WDR49: variants seen among roughly 807,000 people sequenced by gnomAD.
The protein encoded by WDR49 is cilia- and flagella-associated protein 337.
In WDR49, 107 loss-of-function variants were observed where a neutral mutation model predicts 119.5. The ratio of observed to expected loss-of-function variants is 0.90; its 90% CI spans 0.77 to 1.05. The LOEUF is 1.05. Among genes scored for constraint, WDR49 ranks in the 50% least tolerant of loss-of-function variants. The pLI, the probability that WDR49 is intolerant of heterozygous loss-of-function variation, is 0.00. For missense variants in WDR49, 1,240 were observed against 1,220.5 expected (o/e 1.02, Z -0.24); for synonymous variants, 425 against 418.8 (o/e 1.01, Z -0.18).
chr3:167,625,752 C>T (rs1464398226), intron 3 of WDR49, among the ~76,000 whole-genome samples: 8 of 151,812 alleles, frequency 5.3e-5, no homozygotes, highest in African/African-American at 9.7e-5. Context: ...CACTCTGAAA[C>T]GATGCAAGGC....
intron 16 of WDR49, among the ~76,000 whole-genome samples, chr3:167,505,630 A>G (rs1751741225): frequency 6.6e-6 from 1 of 152,256 alleles, no homozygotes; most frequent in Admixed American, 6.5e-5. Flanking sequence ...AGTGAGAGCC[A>G]GAGTGTCCAA....
At chr3:167,516,887 C>T (rs1309484658) in intron 16 of WDR49, among the ~76,000 whole-genome samples, 2 of 152,040 alleles carry the variant, frequency 1.3e-5, no homozygotes, top group African/African-American at 4.8e-5. Flanking sequence ...ACAAACAACC[C>T]CATCAAAAAG....
At position 167,506,658 on chromosome 3, in the gene WDR49, C is replaced by T. The variant is rs79643163; in HGVS notation, c.2775-1242G>A. ...TCCCTATTATAACATCTTACACTACCATTTGTCACAATAAAGAAATCAATA... is the reference window on the plus strand; with the variant it reads ...TCCCTATTATAACATCTTACACTACTATTTGTCACAATAAAGAAATCAATA... On this transcript the variant is annotated intron_variant, in intron 16 of 18. Coordinates refer to ENST00000682715, the MANE Select transcript of WDR49 (RefSeq NM_001366157.1). Among the ~76,000 whole-genome samples, 233 of 152,204 alleles carry T rather than the reference C, an allele frequency of 1.5e-3. 4 individuals are homozygous for T. The East Asian group carries it at 0.03, about 19-fold the overall frequency.
At chr3:167,604,101 T>C (rs749819813) in intron 6 of WDR49, among the ~76,000 whole-genome samples, 200 bp downstream of exon 6, 3 of 152,148 alleles carry the variant, frequency 2.0e-5, no homozygotes, top group Non-Finnish European at 2.9e-5. Context: ...CACTTTCTCA[T>C]ATTTTTACCT....
At chr3:167,544,334 CT>C (rs1712031492) in intron 10 of WDR49, among the ~76,000 whole-genome samples, 1 of 151,970 alleles carries the variant, frequency 6.6e-6, no homozygotes, top group Admixed American at 6.6e-5. Context: ...CATATTGAAC[CT>C]AAAAAGAGCC....
At chr3:167,650,614 T>G (rs1483028410) in intron 2 of WDR49, among the ~76,000 whole-genome samples, 1 of 152,236 alleles carries the variant, frequency 6.6e-6, no homozygotes, top group Non-Finnish European at 1.5e-5. Context: ...TTTGCAGCTC[T>G]AACCACTTCC....
At chr3:167,485,500 T>G (rs553315671) in intron 18 of WDR49, among the ~76,000 whole-genome samples, 3 of 151,974 alleles carry the variant, frequency 2.0e-5, no homozygotes, top group Non-Finnish European at 4.4e-5. Flanking sequence ...TGAAACCCAA[T>G]GCAAGGAACC....
chr3:167,600,195 G>A (rs1302965125), intron 7 of WDR49, among the ~76,000 whole-genome samples: 1 of 152,024 alleles, frequency 6.6e-6, no homozygotes, highest in Non-Finnish European at 1.5e-5. Flanking sequence ...TGTGAATTGT[G>A]CTGCCTGGGG....
At chr3:167,574,546 A>G (rs1714131794) in intron 8 of WDR49, among the ~76,000 whole-genome samples, 1 of 152,140 alleles carries the variant, frequency 6.6e-6, no homozygotes, top group African/African-American at 2.4e-5. Context: ...TAAATACTCA[A>G]CTCAATTGTA....
intron 18 of WDR49, among the ~76,000 whole-genome samples, chr3:167,481,732 G>T (rs1750724180): frequency 6.6e-6 from 1 of 152,136 alleles, no homozygotes; most frequent in African/African-American, 2.4e-5. Context: ...CAGCAAGAGA[G>T]AAATGAGGAA....
chr3:167,657,021 C>A (rs561682800), upstream of WDR49, among the ~76,000 whole-genome samples: 2 of 152,220 alleles, frequency 1.3e-5, no homozygotes, highest in South Asian at 4.2e-4. Flanking sequence ...TTCTCCCCAC[C>A]GAATAGACAC....
At chr3:167,484,414 G>T (rs760068544) in intron 18 of WDR49, among the ~76,000 whole-genome samples, 9 of 152,046 alleles carry the variant, frequency 5.9e-5, no homozygotes, top group Non-Finnish European at 1.3e-4. Flanking sequence ...CCTGCAGGTT[G>T]TACACATGTA....
In WDR49 at chr3:167,578,911, G is replaced by A. The variant is rs374163684; in HGVS notation, c.1276-2760C>T. On this transcript the variant is annotated intron_variant, in intron 7 of 18. Coordinates refer to ENST00000682715, the MANE Select transcript of WDR49 (RefSeq NM_001366157.1). The stretch of plus-strand genomic sequence containing the variant: ...TTCCAAAAATATATTTTTTAATTAA[G>A]ACTAAAATTTTCCCTATTTTTGATC... Among the ~76,000 whole-genome samples the A allele has an allele frequency of 1.1e-4, 17 of 152,126 alleles. No individual in the cohort carries two copies. The East Asian group carries it at 1.5e-3, about 14-fold the overall frequency.
intron 16 of WDR49, among the ~76,000 whole-genome samples, chr3:167,512,281 C>T (rs1752005773): frequency 6.6e-6 from 1 of 152,280 alleles, no homozygotes; most frequent in East Asian, 1.9e-4. Flanking sequence ...TCTTCTGCAG[C>T]CTCCACTGGT....
chr3:167,583,676 GAAC>G (rs1319761289), intron 7 of WDR49, among the ~76,000 whole-genome samples: 1 of 152,136 alleles, frequency 6.6e-6, no homozygotes. Context: ...ATAAAGGAAA[GAAC>G]AACAACCAGA....
chr3:167,549,675 T>A (rs2108261586), intron 10 of WDR49, among the ~76,000 whole-genome samples: 1 of 152,318 alleles, frequency 6.6e-6, no homozygotes, highest in African/African-American at 2.4e-5. Flanking sequence ...TTTCTTTTGC[T>A]ATGCAGAAGC....
intron 7 of WDR49, among the ~76,000 whole-genome samples, chr3:167,590,530 C>T (rs1170077880): frequency 6.6e-6 from 1 of 151,932 alleles, no homozygotes; most frequent in African/African-American, 2.4e-5. Flanking sequence ...CCCTTGGGTC[C>T]TGGGCTTTTT....
intron 16 of WDR49, 63 bp downstream of exon 16, chr3:167,522,252 C>T: frequency 6.9e-7 from 1 of 1,442,660 alleles, no homozygotes; most frequent in Non-Finnish European, 9.2e-7. Context: ...AAATTTGGAC[C>T]AATCTTATCT....
intron 18 of WDR49, among the ~76,000 whole-genome samples, chr3:167,481,613 C>T (rs1750720560): frequency 6.6e-6 from 1 of 152,140 alleles, no homozygotes; most frequent in African/African-American, 2.4e-5. Flanking sequence ...CTGATAAAGA[C>T]ACACCCGAAA....
Sources: gnomAD v4.1 joint callset for allele counts (sites outside exome capture counted in the v4.1 genomes callset) on GRCh38, gnomAD v4.1.1 for gene constraint, MANE v1.5 for transcripts, NCBI Gene and HGNC (gene_info 2026-07-23, HGNC 2026-07-21) for gene names.